The following POU2F3 variants were observed in gnomAD, a reference collection of about 807,000 sequenced individuals.
POU2F3 encodes the protein POU domain, class 2, transcription factor 3.
POU2F3 carries 23 observed loss-of-function variants against 59.2 expected under a neutral mutation model. The ratio of observed to expected loss-of-function variants is 0.39; its 90% CI spans 0.28 to 0.55. POU2F3 has a LOEUF of 0.55. Ranked by LOEUF, POU2F3 falls within the 20% of genes least tolerant of loss-of-function variation. The pLI is 0.66. For synonymous variants in POU2F3, 190 were observed against 214.6 expected, an observed-to-expected ratio of 0.89 and a Z score of 1.00; for missense variants, 473 against 544.5, an observed-to-expected ratio of 0.87 and a Z score of 1.31.
Position 120,293,326 on chromosome 11 carries a change from C to G in POU2F3, c.133-4939C>G, listed in dbSNP as rs538322526. Among the ~76,000 whole-genome samples, 56 of 152,300 alleles carry G rather than the reference C, an allele frequency of 3.7e-4. 2 individuals carry two copies. The South Asian group carries it at 9.6e-3, about 26-fold the overall frequency. Reference sequence around the variant, plus strand: ...AGAGCCATGGAGATGGGAGAATCCCCCAAGCAAAAATGCAGCCGGTATCTC... The same window carrying G: ...AGAGCCATGGAGATGGGAGAATCCCGCAAGCAAAAATGCAGCCGGTATCTC... On this transcript the variant is annotated intron_variant, in intron 3 of 12. Transcript: ENST00000543440.
At chr11:120,236,725 G>C (rs142282242), upstream of POU2F3, 4 of 1,467,822 alleles carry the variant, frequency 2.7e-6, no homozygotes, top group Non-Finnish European at 3.7e-6. Context: ...AGTTCTCTAC[G>C]TTCCCATTCT....
At chr11:120,296,604 A>G (rs1941199419) in intron 3 of POU2F3, among the ~76,000 whole-genome samples, 1 of 152,022 alleles carries the variant, frequency 6.6e-6, no homozygotes, top group Non-Finnish European at 1.5e-5. Flanking sequence ...CCCTCTATGT[A>G]TTCTCATGAT....
At chr11:120,294,449 GT>G (rs925197442) in intron 3 of POU2F3, among the ~76,000 whole-genome samples, 2 of 152,204 alleles carry the variant, frequency 1.3e-5, no homozygotes, top group African/African-American at 4.8e-5. Flanking sequence ...CAGGCTGTGG[GT>G]TTGGTTGGGT....
At chr11:120,247,919 G>A (rs950342082) in intron 2 of POU2F3, among the ~76,000 whole-genome samples, 1 of 152,194 alleles carries the variant, frequency 6.6e-6, no homozygotes, top group Non-Finnish European at 1.5e-5. Flanking sequence ...GCGTCCACAT[G>A]GAAAGAAGAC....
At chr11:120,262,992 T>TTTA (rs201024557) in intron 2 of POU2F3, among the ~76,000 whole-genome samples, 2 of 50,108 alleles carry the variant, frequency 4.0e-5, no homozygotes, top group South Asian at 5.8e-3. Flanking sequence ...TATTTATTTA[T>TTTA]TTATTATTAT....
rs1365157827 is a variant in POU2F3 at position 120,269,333 on chromosome 11, A to G, written c.132+89A>G. ...GGTATGGAGGAAGACAAGATTAAGT[A>G]CAGTTTGGGGGTGTTTATTCACAAA... On this transcript the variant is annotated intron_variant, in intron 3 of 12. Coordinates refer to ENST00000543440, the MANE Select transcript of POU2F3 (RefSeq NM_014352.4). The G allele has an allele frequency of 4.3e-6, 5 of 1,163,168 alleles. No homozygotes were observed. The African/African-American group carries it at 7.7e-5, about 18-fold the overall frequency. The allele number at this position is 1,163,168 out of a possible 1,614,324, so 72.1% of individuals were successfully genotyped here. A position where few individuals can be genotyped will look rare whatever the true frequency, so the allele number is the denominator to read the frequency against.
rs774657933 is a variant in POU2F3 at position 120,302,352 on chromosome 11, C to T, written c.428C>T (p.Pro143Leu). 43 of 1,609,298 alleles carry T rather than the reference C, an allele frequency of 2.7e-5. No homozygotes were observed. The highest frequency in any genetic ancestry group is 3.3e-4 in the Middle Eastern group (2 of 6,080). ...GGTCTCCTCCTCCCACAGACTGGGCCGGGACTGGCATCCCAGGTAAACAAC... is the reference window on the plus strand; with the variant it reads ...GGTCTCCTCCTCCCACAGACTGGGCTGGGACTGGCATCCCAGGTAAACAAC... ...QSGLLLPQTG[P>L]GLASQAFGHP... The change falls in exon 6 of 13, where the codon CCG becomes CTG. Residue 143 changes from proline to leucine, a missense_variant. Pro to Leu is a moderately conservative substitution (Grantham distance 98, BLOSUM62 -3). Transcript: ENST00000543440.
rs186118719 is a variant in POU2F3 at position 120,284,262 on chromosome 11, G to A, written c.133-14003G>A. On this transcript the variant is annotated intron_variant, in intron 3 of 12. Transcript: ENST00000543440. Reference sequence around the variant, plus strand: ...AACCTCTCCACCTGCCTATCACCCCGCTTCCTGGGGGCCACGAATGCCCAT... The same window carrying A: ...AACCTCTCCACCTGCCTATCACCCCACTTCCTGGGGGCCACGAATGCCCAT... Among the ~76,000 whole-genome samples the A allele has an allele frequency of 8.9e-4, 135 of 152,242 alleles. 1 individual carries two copies. Among genetic ancestry groups the A allele is most frequent in the Admixed American group, 2.2e-3 (33 of 15,286 alleles).
chr11:120,256,055 G>A (rs1267944192), intron 2 of POU2F3: 1 of 152,194 alleles, frequency 6.6e-6, no homozygotes, highest in Non-Finnish European at 1.5e-5. Flanking sequence ...TGCATAAGAC[G>A]AAGGGTCTGA....
intron 1 of POU2F3, among the ~76,000 whole-genome samples, chr11:120,241,171 C>T (rs1462507998): frequency 6.6e-6 from 1 of 152,238 alleles, no homozygotes; most frequent in Non-Finnish European, 1.5e-5. Flanking sequence ...CTGGAGGTCA[C>T]AGGGCCTGAG....
chr11:120,301,876 TCTC>T (rs557120903), intron 5 of POU2F3: 265 of 162,336 alleles, frequency 1.6e-3, no homozygotes, highest in African/African-American at 6.1e-3. Flanking sequence ...CCCAGCTACT[TCTC>T]CTGCAGGGAA....
At chr11:120,240,112 C>CCGCCCCG, upstream of POU2F3, 1 of 1,156,274 alleles carries the variant, frequency 8.6e-7, no homozygotes. Flanking sequence ...CCGGCGGCCC[C>CCGCCCCG]CGCCCCGCGC....
intron 3 of POU2F3, among the ~76,000 whole-genome samples, chr11:120,284,637 C>A (rs553860971): frequency 2.0e-5 from 3 of 152,172 alleles, no homozygotes; most frequent in African/African-American, 4.8e-5. Flanking sequence ...TTACTAAACG[C>A]CCCTTAGGAA....
At chr11:120,284,878 C>T (rs1005825600) in intron 3 of POU2F3, among the ~76,000 whole-genome samples, 9 of 152,160 alleles carry the variant, frequency 5.9e-5, no homozygotes, top group East Asian at 1.9e-4. Context: ...CACAGAGCCC[C>T]GCTGCTCTGA....
intron 2 of POU2F3, among the ~76,000 whole-genome samples, chr11:120,251,978 T>C (rs1003416540): frequency 1.3e-5 from 2 of 151,858 alleles, no homozygotes; most frequent in Non-Finnish European, 2.9e-5. Flanking sequence ...GTATTTTTAG[T>C]AGAGACAGGG....
Position 120,305,624 on chromosome 11 carries a change from C to A in POU2F3, c.628-20C>A. ...AGGAGGCTGCCTCTCATGTTCCTCC[C>A]CCTCGGTCCCCACGCTTAGGGAGAT... is the stretch of plus-strand genomic sequence containing the variant. On this transcript the variant is annotated intron_variant, in intron 7 of 12. Transcript: ENST00000543440. 6.2e-7 allele frequency: 1 copy of A among 1,612,130 alleles called. No homozygotes were observed. Among genetic ancestry groups the A allele is most frequent in the Non-Finnish European group, 8.5e-7 (1 of 1,179,198 alleles).
In POU2F3 at chr11:120,318,803, A is replaced by G. The variant is rs1591451364; in HGVS notation, c.*411A>G. On this transcript the variant is annotated 3_prime_UTR_variant, in exon 13 of 13. Transcript: ENST00000543440. ...GCCAAACACCAGAAGGGGAGATAAT[A>G]GTTTTGACTCTGAACTTGGCCACAA... 1 of 192,792 alleles carries G rather than the reference A, an allele frequency of 5.2e-6. No homozygotes were observed. The highest frequency in any genetic ancestry group is 1.5e-4 in the East Asian group (1 of 6,556). The allele number at this position is 192,792 out of a possible 1,614,324, so 11.9% of individuals were successfully genotyped here.
At chr11:120,242,177 C>G (rs1301543778) in intron 1 of POU2F3, among the ~76,000 whole-genome samples, 1 of 152,198 alleles carries the variant, frequency 6.6e-6, no homozygotes, top group Non-Finnish European at 1.5e-5. Context: ...TGGGTCTTGG[C>G]CCCTCTGTAG....
intron 3 of POU2F3, among the ~76,000 whole-genome samples, chr11:120,284,880 C>T (rs1223558773): frequency 6.6e-6 from 1 of 152,230 alleles, no homozygotes; most frequent in Non-Finnish European, 1.5e-5. Context: ...CAGAGCCCCG[C>T]TGCTCTGACA....
Sources: allele counts gnomAD v4.1 joint callset (sites outside exome capture counted in the v4.1 genomes callset), GRCh38; gene constraint gnomAD v4.1.1; transcripts MANE v1.5; gene names NCBI Gene and HGNC (gene_info 2026-07-23, HGNC 2026-07-21).